Variants in QSOX2 observed in about 807,000 individuals in gnomAD.
The protein encoded by QSOX2 is quiescin sulfhydryl oxidase 2.
Under a neutral mutation model 61.7 loss-of-function variants are expected in QSOX2, and 46 were observed. The observed-to-expected ratio is 0.75, with a 90% CI of 0.59 to 0.95. The LOEUF is 0.95. Among genes scored for constraint, QSOX2 ranks in the 40% least tolerant of loss-of-function variants. The probability of loss-of-function intolerance (pLI) is 0.00; values close to 1 mark genes in which losing one functional copy is unlikely to be tolerated. For missense variants in QSOX2, 879 were observed against 918.9 expected (o/e 0.96, Z 0.56); for synonymous variants, 383 against 388.4 (o/e 0.99, Z 0.16).
At chr9:136,214,189 C>G (rs1449346733) in intron 10 of QSOX2, among the ~76,000 whole-genome samples, 1 of 152,196 alleles carries the variant, frequency 6.6e-6, no homozygotes, top group Non-Finnish European at 1.5e-5. Flanking sequence ...CCAATACATA[C>G]TTTAGTGTTC....
chr9:136,222,056 C>G lies in QSOX2; in HGVS notation c.676-115G>C. ...TTTCACAAAAGGGCATGAAGTCTGT[C>G]CCCCTGCAGGCAAGACCCTCACTCA... is the stretch of plus-strand genomic sequence containing the variant. On this transcript the variant is annotated intron_variant, in intron 5 of 11. Transcript: ENST00000358701. This position sits in a 1 kb window ranked among gnomAD's most constrained non-coding sequence, Gnocchi z 6.9. 2 of 1,096,726 alleles carry G rather than the reference C, an allele frequency of 1.8e-6. No individual in the cohort carries two copies. The highest frequency in any genetic ancestry group is 6.2e-5 in the Admixed American group (2 of 32,386). The allele number at this position is 1,096,726 out of a possible 1,614,324, so 67.9% of individuals were successfully genotyped here. A position where few individuals can be genotyped will look rare whatever the true frequency, so the allele number is the denominator to read the frequency against.
At chr9:136,231,650 C>T (rs897583154) in intron 1 of QSOX2, among the ~76,000 whole-genome samples, 2 of 152,370 alleles carry the variant, frequency 1.3e-5, no homozygotes, top group African/African-American at 4.8e-5. Context: ...CAGTGCCCCT[C>T]ACAGCCCCAC....
At chr9:136,227,195 A>C (rs898163576) in intron 1 of QSOX2, among the ~76,000 whole-genome samples, 4 of 152,228 alleles carry the variant, frequency 2.6e-5, no homozygotes, top group African/African-American at 9.6e-5. Flanking sequence ...CTGGTAACAG[A>C]CGCGGCTGTC....
In QSOX2 at chr9:136,216,589, C is replaced by T. The variant is rs778493921; in HGVS notation, c.1209+11G>A. 6.2e-7 allele frequency: 1 copy of T among 1,613,438 alleles called. No individual in the cohort carries two copies. The highest frequency in any genetic ancestry group is 8.5e-7 in the Non-Finnish European group (1 of 1,179,694). ...GGGTGCAGCGTGGCTGGCGAGGGTTCTGGGGCTCACCCGCATCTTGTTGTT... is the reference window on the plus strand; with the variant it reads ...GGGTGCAGCGTGGCTGGCGAGGGTTTTGGGGCTCACCCGCATCTTGTTGTT... On this transcript the variant is annotated intron_variant, in intron 9 of 11. Coordinates refer to ENST00000358701, the MANE Select transcript of QSOX2 (RefSeq NM_181701.4).
intron 6 of QSOX2, among the ~76,000 whole-genome samples, chr9:136,219,983 A>G (rs543035561): frequency 1.3e-5 from 2 of 152,310 alleles, no homozygotes; most frequent in South Asian, 4.1e-4. Context: ...CAACAAGCTC[A>G]ATGGCCTCTG....
At chr9:136,232,706 G>A (rs62579030) in intron 1 of QSOX2, among the ~76,000 whole-genome samples, 5,132 of 152,096 alleles carry the variant, frequency 0.034, 130 homozygotes, top group African/African-American at 0.066. Flanking sequence ...GGCTGAGGCC[G>A]GTGGATCACT....
chr9:136,226,634 T>C, intron 2 of QSOX2, 140 bp downstream of exon 2: 1 of 754,964 alleles, frequency 1.3e-6, no homozygotes, highest in African/African-American at 1.7e-5. Context: ...CCTACGAAGT[T>C]CCAAGGAGAG....
At position 136,209,319 on chromosome 9, in the gene QSOX2, TGTGCAGCCAC is replaced by T. The variant is rs764870222; in HGVS notation, c.1550-54_1550-45del. ...GGGAGAGCCAGAGGGAAGGAGGCTT[TGTGCAGCCAC>T]GTGCAGCGTGCGGCAACCGGACTCC... On this transcript the variant is annotated intron_variant, in intron 11 of 11. Transcript: ENST00000358701. The surrounding 1 kb of genome is among the most constrained non-coding windows in gnomAD (Gnocchi z 5.6). 7 of 1,588,626 alleles carry T rather than the reference TGTGCAGCCAC, an allele frequency of 4.4e-6. No homozygotes were observed. The highest frequency in any genetic ancestry group is 6.0e-6 in the Non-Finnish European group (7 of 1,165,490).
Position 136,228,489 on chromosome 9 carries a change from T to C in QSOX2, c.329-1615A>G, listed in dbSNP as rs1270437481. 3.9e-5 allele frequency among the ~76,000 whole-genome samples: 6 copies of C among 152,244 alleles called. No homozygotes were observed. In the East Asian group the frequency reaches 9.6e-4, roughly 24 times the overall value. ...TGCACTGCCAACAATTCACAAATAT[T>C]TCCTGGCTCCTCACTCTGTAGGGGT... On this transcript the variant is annotated intron_variant, in intron 1 of 11. Coordinates refer to ENST00000358701, the MANE Select transcript of QSOX2 (RefSeq NM_181701.4).
chr9:136,232,670 A>G (rs977625332), intron 1 of QSOX2, among the ~76,000 whole-genome samples: 1 of 152,202 alleles, frequency 6.6e-6, no homozygotes, highest in African/African-American at 2.4e-5. Context: ...CTGGAGGCTC[A>G]TGGCTATAAT....
chr9:136,238,921 G>A (rs969150563), intron 1 of QSOX2, among the ~76,000 whole-genome samples: 5 of 152,210 alleles, frequency 3.3e-5, no homozygotes, highest in African/African-American at 1.2e-4. Context: ...AGGACGCTGA[G>A]GCAGGAGGGT....
chr9:136,242,414 C>T (rs1023787531), intron 1 of QSOX2, among the ~76,000 whole-genome samples: 11 of 152,224 alleles, frequency 7.2e-5, no homozygotes, highest in Non-Finnish European at 1.2e-4. Context: ...TGGGAGAAGG[C>T]GGCTGGACAC....
At position 136,222,464 on chromosome 9, in the gene QSOX2, C is replaced by T. The variant is rs1273955690; in HGVS notation, c.676-523G>A. Among the ~76,000 whole-genome samples, 2 of 152,204 alleles carry T rather than the reference C, an allele frequency of 1.3e-5. No individual in the cohort carries two copies. Among genetic ancestry groups the T allele is most frequent in the Non-Finnish European group, 2.9e-5 (2 of 68,046 alleles). On this transcript the variant is annotated intron_variant, in intron 5 of 11. Coordinates refer to ENST00000358701, the MANE Select transcript of QSOX2 (RefSeq NM_181701.4). This position sits in a 1 kb window ranked among gnomAD's most constrained non-coding sequence, Gnocchi z 6.9. ...TCTCAGGATTTTGGAAGAAACCCTG[C>T]GTGCGCCACCACCACATCGGGCGTA...
At chr9:136,220,606 GCCTCACGCTGTCCTTCT>G (rs144436336) in intron 6 of QSOX2, among the ~76,000 whole-genome samples, 70,040 of 152,020 alleles carry the variant, frequency 0.46, 18,639 homozygotes, top group African/African-American at 0.76. Context: ...GGGCAGGCTA[GCCTCACGCTGTCCTTCT>G]CCTCACGCTG....
intron 1 of QSOX2, among the ~76,000 whole-genome samples, chr9:136,242,162 T>C (rs916778296): frequency 6.6e-6 from 1 of 152,268 alleles, no homozygotes; most frequent in Admixed American, 6.5e-5. Context: ...CACCAAACAG[T>C]ACAACTTTTG....
chr9:136,211,836 C>T (rs1264131257), intron 10 of QSOX2, among the ~76,000 whole-genome samples: 3 of 152,232 alleles, frequency 2.0e-5, no homozygotes, highest in South Asian at 2.1e-4. Flanking sequence ...CGCTCTTCCC[C>T]GGGATTTGCC....
intron 1 of QSOX2, among the ~76,000 whole-genome samples, chr9:136,228,911 A>C (rs1313887954): frequency 1.3e-5 from 2 of 152,168 alleles, no homozygotes; most frequent in South Asian, 2.1e-4. Context: ...TCTGAGAGCG[A>C]GCTATGATCT....
rs1831825947 is a variant in QSOX2 at position 136,209,955 on chromosome 9, T to C, written c.1550-680A>G. On this transcript the variant is annotated intron_variant, in intron 11 of 11. Coordinates refer to ENST00000358701, the MANE Select transcript of QSOX2 (RefSeq NM_181701.4). This position sits in a 1 kb window ranked among gnomAD's most constrained non-coding sequence, Gnocchi z 5.6. ...GGCGCCTCCTAGCTCTCGGAGCCCC[T>C]GCGACCCGACTTGCTGACACCTGGC... The C allele has an allele frequency of 2.0e-6, 2 of 985,298 alleles. No individual in the cohort carries two copies. Among genetic ancestry groups the C allele is most frequent in the Non-Finnish European group, 2.4e-6 (2 of 829,930 alleles). 61.0% of individuals were successfully genotyped at this position (985,298 alleles called of 1,614,324 possible). A position where few individuals can be genotyped will look rare whatever the true frequency, so the allele number is the denominator to read the frequency against.
chr9:136,217,706 C>T (rs928749084), intron 8 of QSOX2, among the ~76,000 whole-genome samples: 7 of 152,236 alleles, frequency 4.6e-5, no homozygotes, highest in Non-Finnish European at 5.9e-5. Flanking sequence ...GTCTGCCTAG[C>T]GACAGCTGTG....
Sources: allele counts gnomAD v4.1 joint callset (sites outside exome capture counted in the v4.1 genomes callset), GRCh38; gene constraint gnomAD v4.1.1; non-coding constraint Gnocchi (gnomAD v3.1); transcripts MANE v1.5; gene names NCBI Gene and HGNC (gene_info 2026-07-23, HGNC 2026-07-21).